The following CCDC122 variants were observed in gnomAD, a reference collection of about 807,000 sequenced individuals.
CCDC122 encodes coiled-coil domain containing 122.
CCDC122 carries 38 observed loss-of-function variants against 37.0 expected under a neutral mutation model. The observed-to-expected ratio is 1.03, with a 90% CI of 0.79 to 1.35. The LOEUF (loss-of-function observed/expected upper bound fraction) is 1.35. Ranked by LOEUF, CCDC122 falls within the 40% of genes most tolerant of loss-of-function variation. The pLI, the probability that CCDC122 is intolerant of heterozygous loss-of-function variation, is 0.00. For missense variants in CCDC122, 305 were observed against 310.0 expected (o/e 0.98, Z 0.12); for synonymous variants, 83 against 95.6 (o/e 0.87, Z 0.77).
downstream of CCDC122, among the ~76,000 whole-genome samples, chr13:43,831,581 A>G (rs948911088): frequency 4.6e-5 from 7 of 152,218 alleles, no homozygotes; most frequent in African/African-American, 1.7e-4. Flanking sequence ...TGGACAAAAA[A>G]TGTTTAAAAA....
chr13:43,865,796 G>C (rs1179337466), intron 4 of CCDC122, among the ~76,000 whole-genome samples: 1 of 152,114 alleles, frequency 6.6e-6, no homozygotes, highest in African/African-American at 2.4e-5. Context: ...CAACTTCACA[G>C]ATGGATGATT....
intron 6 of CCDC122, among the ~76,000 whole-genome samples, chr13:43,842,724 A>G (rs1025601902): frequency 1.3e-5 from 2 of 151,990 alleles, no homozygotes; most frequent in African/African-American, 4.8e-5. Flanking sequence ...GTAGTTTTGC[A>G]CATTTTTTCA....
chr13:43,826,922 A>G (rs1953046130), intron 3 of CCDC122, among the ~76,000 whole-genome samples: 1 of 152,188 alleles, frequency 6.6e-6, no homozygotes, highest in Non-Finnish European at 1.5e-5. Flanking sequence ...CATCTTAAAT[A>G]TTTATTACAT....
At chr13:43,830,189 T>C (rs73463579) in intron 3 of CCDC122, among the ~76,000 whole-genome samples, 7,433 of 152,232 alleles carry the variant, frequency 0.049, 370 homozygotes, top group African/African-American at 0.12. Flanking sequence ...CTTGCTTTTC[T>C]ATTTAAAGCA....
intron 6 of CCDC122, among the ~76,000 whole-genome samples, chr13:43,857,881 T>C (rs1434931994): frequency 1.3e-5 from 2 of 152,204 alleles, no homozygotes; most frequent in African/African-American, 4.8e-5. Context: ...CCAGTCTGGG[T>C]GACAGAGCAA....
chr13:43,867,702 A>G (rs1325870919), intron 4 of CCDC122, among the ~76,000 whole-genome samples: 1 of 152,178 alleles, frequency 6.6e-6, no homozygotes, highest in Non-Finnish European at 1.5e-5. Flanking sequence ...AATAAAGTCT[A>G]TGAAACTCTT....
At chr13:43,871,721 C>T (rs1252106493) in intron 2 of CCDC122, among the ~76,000 whole-genome samples, 1 of 152,108 alleles carries the variant, frequency 6.6e-6, no homozygotes, top group Non-Finnish European at 1.5e-5. Context: ...TAACTGAAGT[C>T]CAAAGATACA....
intron 6 of CCDC122, among the ~76,000 whole-genome samples, chr13:43,849,719 T>C (rs1953661604): frequency 1.3e-5 from 2 of 152,308 alleles, no homozygotes; most frequent in South Asian, 4.1e-4. Context: ...GAAAAAACTA[T>C]GGCCCCTCCA....
intron 2 of CCDC122, among the ~76,000 whole-genome samples, chr13:43,871,842 T>C (rs1810547117): frequency 6.6e-6 from 1 of 152,156 alleles, no homozygotes; most frequent in Admixed American, 6.5e-5. Context: ...TCTAGTTTCT[T>C]TGAAATTCAG....
At chr13:43,820,836 A>G (rs1262475916), downstream of CCDC122, among the ~76,000 whole-genome samples, 1 of 152,220 alleles carries the variant, frequency 6.6e-6, no homozygotes, top group Non-Finnish European at 1.5e-5. Context: ...CTCACAGTAA[A>G]GGTCCAGTAC....
chr13:43,843,373 A>G (rs1197092223), intron 6 of CCDC122, among the ~76,000 whole-genome samples: 1 of 151,998 alleles, frequency 6.6e-6, no homozygotes, highest in African/African-American at 2.4e-5. Context: ...TTGATGTTTG[A>G]AAGTTGAATC....
At chr13:43,858,926 A>T in intron 5 of CCDC122, 29 bp from the exon 6 acceptor site, 1 of 1,346,718 alleles carries the variant, frequency 7.4e-7, no homozygotes, top group Non-Finnish European at 9.9e-7. Flanking sequence ...TGAAATATAG[A>T]AGTCAAAAAA....
chr13:43,870,041 T>G (rs1236144536), intron 2 of CCDC122, among the ~76,000 whole-genome samples: 2 of 152,098 alleles, frequency 1.3e-5, no homozygotes, highest in Non-Finnish European at 1.5e-5. Context: ...AAAGATCAAT[T>G]AACTACAAAG....
downstream of CCDC122, chr13:43,836,206 C>A (rs1164908082): frequency 1.3e-5 from 2 of 152,124 alleles, no homozygotes; most frequent in Non-Finnish European, 2.9e-5. Context: ...AAAGGAGGAG[C>A]ACGTTTATCT....
intron 6 of CCDC122, chr13:43,854,683 T>G (rs970015874): frequency 2.0e-5 from 3 of 152,060 alleles, no homozygotes; most frequent in African/African-American, 7.2e-5. Flanking sequence ...AAAGGAAACT[T>G]CAGGTCAATA....
At chr13:43,833,559 G>A (rs1015209933), downstream of CCDC122, among the ~76,000 whole-genome samples, 1 of 152,176 alleles carries the variant, frequency 6.6e-6, no homozygotes, top group Non-Finnish European at 1.5e-5. Flanking sequence ...GTCCCAAAGA[G>A]ATAAAATTTG....
intron 6 of CCDC122, among the ~76,000 whole-genome samples, chr13:43,843,392 A>T (rs1002141379): frequency 2.0e-5 from 3 of 151,972 alleles, no homozygotes; most frequent in African/African-American, 7.2e-5. Flanking sequence ...TCAGCCTTGT[A>T]TTCTTAGGAT....
chr13:43,869,331 C>T lies in CCDC122; in HGVS notation c.46G>A (p.Asp16Asn). Residue 16 changes from aspartate (D) to asparagine (N), a missense_variant and splice_region_variant, in exon 3 of 7, where the codon GAT becomes AAT. Transcript: ENST00000444614. ...TTATTTCTTAAGACTGTTTCATTACCTTCTTTAGGAAATCCTTGACTCTTC... is the reference window on the plus strand; with the variant it reads ...TTATTTCTTAAGACTGTTTCATTACTTTCTTTAGGAAATCCTTGACTCTTC... ...ERKSQGFPKE[D>N]NQDTSSLADA... The T allele has an allele frequency of 1.9e-6, 3 of 1,600,566 alleles. No individual in the cohort carries two copies. The highest frequency in any genetic ancestry group is 2.2e-5 in the East Asian group (1 of 44,452).
At chr13:43,860,571 T>C (rs1448885306) in intron 4 of CCDC122, among the ~76,000 whole-genome samples, 1 of 152,232 alleles carries the variant, frequency 6.6e-6, no homozygotes, top group Non-Finnish European at 1.5e-5. Flanking sequence ...TTTGCCTCCC[T>C]GGGGCATTTT....
Sources: gnomAD v4.1 joint callset for allele counts (sites outside exome capture counted in the v4.1 genomes callset) on GRCh38, gnomAD v4.1.1 for gene constraint, MANE v1.5 for transcripts, NCBI Gene and HGNC (gene_info 2026-07-23, HGNC 2026-07-21) for gene names.